Variants in PDGFRL observed in about 807,000 individuals in gnomAD.
The protein encoded by PDGFRL is platelet derived growth factor receptor like, also known as platelet-derived growth factor receptor-like protein.
A neutral mutation model predicts 37.2 loss-of-function variants in PDGFRL; 46 were observed. The observed-to-expected ratio is 1.24, with a 90% CI of 0.98 to 1.58. PDGFRL has a LOEUF of 1.58. Among genes scored for constraint, PDGFRL ranks in the 40% most tolerant of loss-of-function variants. The pLI is 0.00. For synonymous variants in PDGFRL, 251 were observed against 184.3 expected (o/e 1.36, Z -2.93); for missense variants, 692 against 467.6 (o/e 1.48, Z -4.43).
chr8:17,628,888 G>C (rs1563527623), intron 4 of PDGFRL, 108 bp downstream of exon 4: 1 of 708,256 alleles, frequency 1.4e-6, no homozygotes, highest in Non-Finnish European at 2.4e-6. Context: ...AGTGCCTTTT[G>C]TTTCATTGTT....
chr8:17,623,204 C>G (rs1017579096), intron 3 of PDGFRL, among the ~76,000 whole-genome samples: 7 of 152,322 alleles, frequency 4.6e-5, no homozygotes, highest in African/African-American at 1.7e-4. Flanking sequence ...GACCCAGGAT[C>G]CAGTGTTTTT....
rs545096978 is a variant in PDGFRL, at chr8:17,635,025, C to G, written c.939+812C>G. Among the ~76,000 whole-genome samples the G allele has an allele frequency of 6.6e-5, 10 of 152,248 alleles. No individual in the cohort carries two copies. In the South Asian group the frequency reaches 2.1e-3, roughly 32 times the overall value. On this transcript the variant is annotated intron_variant, in intron 5 of 5. Transcript: ENST00000251630. ...GAGGAAAGGGAAATGAAGGATCTCC[C>G]TCTTTCCTCCTGCCCCCACCTCAGT... is the stretch of plus-strand genomic sequence containing the variant.
chr8:17,620,045 C>T (rs1804600619), intron 2 of PDGFRL, among the ~76,000 whole-genome samples: 1 of 152,162 alleles, frequency 6.6e-6, no homozygotes, highest in Admixed American at 6.5e-5. Flanking sequence ...TCACTGGAAT[C>T]TCAAATTCTT....
chr8:17,603,049 C>T (rs1804199072), intron 2 of PDGFRL, among the ~76,000 whole-genome samples: 1 of 152,188 alleles, frequency 6.6e-6, no homozygotes, highest in African/African-American at 2.4e-5. Context: ...GTGGCACGAT[C>T]TCAGCTTACT....
chr8:17,631,131 G>C (rs1197705151), intron 4 of PDGFRL, among the ~76,000 whole-genome samples: 1 of 152,144 alleles, frequency 6.6e-6, no homozygotes. Context: ...TTGCGTTGCA[G>C]AACGCTGCAA....
chr8:17,608,005 C>T (rs1383241400), intron 2 of PDGFRL, among the ~76,000 whole-genome samples: 1 of 152,224 alleles, frequency 6.6e-6, no homozygotes, highest in Non-Finnish European at 1.5e-5. Flanking sequence ...TGGGCAGCTG[C>T]TAAGTTGCTG....
chr8:17,577,204 C>G (rs753505490), upstream of PDGFRL: 4 of 1,590,226 alleles, frequency 2.5e-6, no homozygotes, highest in South Asian at 4.6e-5. Flanking sequence ...TGCGTCCCCG[C>G]CCCGCGCAGC....
At chr8:17,589,897 C>T in intron 2 of PDGFRL, 132 bp downstream of exon 2, 1 of 625,380 alleles carries the variant, frequency 1.6e-6, no homozygotes, top group South Asian at 2.1e-5. Context: ...AATAGAAGCT[C>T]AAAGGGCAAA....
chr8:17,581,871 C>G (rs965146245), intron 1 of PDGFRL, among the ~76,000 whole-genome samples: 2 of 152,050 alleles, frequency 1.3e-5, no homozygotes, highest in Non-Finnish European at 2.9e-5. Context: ...GCGAAATGAA[C>G]TAACACAGAA....
intron 2 of PDGFRL, among the ~76,000 whole-genome samples, chr8:17,605,971 G>T (rs1336840243): frequency 6.6e-6 from 1 of 152,178 alleles, no homozygotes; most frequent in Non-Finnish European, 1.5e-5. Flanking sequence ...ACAACACAAA[G>T]GGAGGGTGGG....
intron 2 of PDGFRL, among the ~76,000 whole-genome samples, chr8:17,596,946 C>A (rs552936897): frequency 6.6e-6 from 1 of 152,196 alleles, no homozygotes; most frequent in Non-Finnish European, 1.5e-5. Context: ...AGAATGAGTT[C>A]TTTCCAGGGC....
chr8:17,580,487 A>G (rs1207972815), intron 1 of PDGFRL, among the ~76,000 whole-genome samples: 1 of 146,912 alleles, frequency 6.8e-6, no homozygotes, highest in East Asian at 2.0e-4. Context: ...AAAACACAGA[A>G]AGAGAAAAGT....
At chr8:17,587,672 C>T (rs560272429) in intron 1 of PDGFRL, among the ~76,000 whole-genome samples, 2 of 152,146 alleles carry the variant, frequency 1.3e-5, no homozygotes, top group South Asian at 4.2e-4. Context: ...AGTCTCCAGG[C>T]ATTGGAGTGC....
At chr8:17,591,806 C>T (rs533281140) in intron 2 of PDGFRL, among the ~76,000 whole-genome samples, 5 of 152,162 alleles carry the variant, frequency 3.3e-5, no homozygotes, top group African/African-American at 4.8e-5. Flanking sequence ...CCCAGCTACT[C>T]GGAAGGCTGA....
chr8:17,628,283 C>T lies in PDGFRL; in HGVS notation c.506-204C>T, dbSNP rs528430498. ...TGCTGGGATTACAGGTGTGAGCTACCGCGCCCAGCCTTCTGTTTTCTTTAA... is the reference window on the plus strand; with the variant it reads ...TGCTGGGATTACAGGTGTGAGCTACTGCGCCCAGCCTTCTGTTTTCTTTAA... On this transcript the variant is annotated intron_variant, in intron 3 of 5. Coordinates refer to ENST00000251630, the MANE Select transcript of PDGFRL (RefSeq NM_001372073.1). Among the ~76,000 whole-genome samples the T allele has an allele frequency of 8.5e-5, 13 of 152,100 alleles. No homozygotes were observed. The East Asian group carries it at 2.3e-3, about 27-fold the overall frequency.
At chr8:17,583,305 C>A (rs1236280135) in intron 1 of PDGFRL, among the ~76,000 whole-genome samples, 2 of 152,132 alleles carry the variant, frequency 1.3e-5, no homozygotes, top group African/African-American at 4.8e-5. Flanking sequence ...GCAGTATGCA[C>A]CCTCACCTTG....
intron 4 of PDGFRL, among the ~76,000 whole-genome samples, chr8:17,631,278 C>T (rs972287178): frequency 2.0e-5 from 3 of 152,114 alleles, no homozygotes; most frequent in African/African-American, 7.2e-5. Flanking sequence ...TCAAAGGTGA[C>T]TTTAGTCTCT....
Position 17,582,924 on chromosome 8 carries a change from G to A in PDGFRL, c.55+5617G>A, listed in dbSNP as rs548207453. On this transcript the variant is annotated intron_variant, in intron 1 of 5. Transcript: ENST00000251630. ...GCTCTTCTGCCGTGCACCACCTCGG[G>A]ATGCTACTGCCCCTATCTCAGGTGC... Among the ~76,000 whole-genome samples the A allele has an allele frequency of 1.1e-4, 17 of 152,210 alleles. No individual in the cohort carries two copies. The South Asian group carries it at 2.7e-3, about 24-fold the overall frequency.
intron 4 of PDGFRL, among the ~76,000 whole-genome samples, chr8:17,629,259 C>T (rs1378122781): frequency 6.6e-6 from 1 of 152,070 alleles, no homozygotes; most frequent in Non-Finnish European, 1.5e-5. Context: ...GGCTTCCCTT[C>T]TGCCCCACCA....
Sources: allele counts gnomAD v4.1 joint callset (sites outside exome capture counted in the v4.1 genomes callset), GRCh38; gene constraint gnomAD v4.1.1; transcripts MANE v1.5; gene names NCBI Gene and HGNC (gene_info 2026-07-23, HGNC 2026-07-21).